RNF128: variants seen among roughly 807,000 people sequenced by gnomAD.
RNF128 encodes E3 ubiquitin-protein ligase RNF128.
RNF128 carries 13 observed loss-of-function variants against 26.2 expected under a neutral mutation model. The observed-to-expected ratio is 0.50, with a 90% confidence interval of 0.32 to 0.79. RNF128 has a LOEUF of 0.79. Among genes scored for constraint, RNF128 ranks in the 30% least tolerant of loss-of-function variants. RNF128 has a pLI of 0.03. For missense variants in RNF128, 315 were observed against 349.7 expected, an observed-to-expected ratio of 0.90 and a Z score of 0.79; for synonymous variants, 149 against 142.5, an observed-to-expected ratio of 1.05 and a Z score of -0.32.
At position 106,780,664 on chromosome X, in the gene RNF128, A is replaced by G. The variant is rs72618344; in HGVS notation, c.733-4401A>G. 3.6e-5 allele frequency among the ~76,000 whole-genome samples: 4 copies of G among 112,179 alleles called. No homozygotes were observed. The East Asian group carries it at 1.1e-3, about 31-fold the overall frequency. On this transcript the variant is annotated intron_variant, in intron 2 of 6. Transcript: ENST00000255499. The stretch of plus-strand genomic sequence containing the variant: ...TAAGATTGGATAATTGCTGGCTTTA[A>G]AGGGGTTTTTAAATTTCCTTCGTTT...
intron 1 of RNF128, among the ~76,000 whole-genome samples, chrX:106,744,094 G>A (rs1450234855): frequency 1.8e-5 from 2 of 108,327 alleles, no homozygotes; most frequent in East Asian, 2.9e-4. Flanking sequence ...CACACACTGG[G>A]GCCTGTTGGG....
intron 1 of RNF128, among the ~76,000 whole-genome samples, chrX:106,704,230 T>C (rs1209423871): frequency 9.2e-6 from 1 of 108,886 alleles, no homozygotes; most frequent in Non-Finnish European, 1.9e-5. Flanking sequence ...GGTCAGGAGA[T>C]CAAAACCATC....
chrX:106,789,561 A>T (rs1930782117), intron 4 of RNF128, among the ~76,000 whole-genome samples: 1 of 71,635 alleles, frequency 1.4e-5, no homozygotes, highest in Non-Finnish European at 2.9e-5. Context: ...ATACTATATA[A>T]TATTATAATA....
Position 106,792,655 on chromosome X carries a change from G to A in RNF128, c.1153+1421G>A, listed in dbSNP as rs776483746. On this transcript the variant is annotated intron_variant, in intron 6 of 6. Coordinates refer to ENST00000255499, the MANE Select transcript of RNF128 (RefSeq NM_194463.2). ...TTCTTCCTTACCCAAGAAGTTAGGG[G>A]AGCCCAGTATAACTCCTGTTTCTCC... 4.5e-5 allele frequency among the ~76,000 whole-genome samples: 5 copies of A among 110,982 alleles called. No individual in the cohort carries two copies. The East Asian group carries it at 1.4e-3, about 32-fold the overall frequency.
At chrX:106,705,890 G>T (rs1419183452) in intron 1 of RNF128, among the ~76,000 whole-genome samples, 1 of 111,934 alleles carries the variant, frequency 8.9e-6, no homozygotes, top group Non-Finnish European at 1.9e-5. Context: ...GCTTTGTGAG[G>T]ACTCCTTGGA....
At chrX:106,704,060 T>C (rs1319276544) in intron 1 of RNF128, among the ~76,000 whole-genome samples, 2 of 109,586 alleles carry the variant, frequency 1.8e-5, no homozygotes, top group African/African-American at 6.6e-5. Flanking sequence ...GGTTGGTCCA[T>C]GGCCAAGCAG....
At chrX:106,733,910 A>G (rs967398342) in intron 1 of RNF128, among the ~76,000 whole-genome samples, 8 of 111,487 alleles carry the variant, frequency 7.2e-5, no homozygotes, top group Non-Finnish European at 1.3e-4. Flanking sequence ...CATGTTGGCC[A>G]GGCTGGTCTC....
chrX:106,750,663 A>T (rs938385110), intron 1 of RNF128, among the ~76,000 whole-genome samples: 1 of 111,258 alleles, frequency 9.0e-6, no homozygotes, highest in Non-Finnish European at 1.9e-5. Flanking sequence ...TCTAGAAGCT[A>T]ATTTTACTCT....
In RNF128 at chrX:106,770,390, C is replaced by T. The variant is rs761378133; in HGVS notation, c.485-2523C>T. Among the ~76,000 whole-genome samples, 3 of 111,868 alleles carry T rather than the reference C, an allele frequency of 2.7e-5. 1 individual carries two copies. Among genetic ancestry groups the T allele is most frequent in the African/African-American group, 9.7e-5 (3 of 30,852 alleles). On this transcript the variant is annotated intron_variant, in intron 1 of 6. Coordinates refer to ENST00000255499, the MANE Select transcript of RNF128 (RefSeq NM_194463.2). ...GTCACTTTCAGGTACACCAATCAGACGTAGATTTGGTCTTTTCACATGGTC... is the reference window on the plus strand; with the variant it reads ...GTCACTTTCAGGTACACCAATCAGATGTAGATTTGGTCTTTTCACATGGTC...
chrX:106,747,323 A>G (rs1012228079), intron 1 of RNF128, among the ~76,000 whole-genome samples: 1 of 112,080 alleles, frequency 8.9e-6, no homozygotes, highest in African/African-American at 3.2e-5. Flanking sequence ...ATTGGGGTTT[A>G]GACTATCTGT....
At chrX:106,743,567 T>G (rs1483492255) in intron 1 of RNF128, among the ~76,000 whole-genome samples, 1 of 112,661 alleles carries the variant, frequency 8.9e-6, no homozygotes, top group Non-Finnish European at 1.9e-5. Context: ...TCATTGATAT[T>G]GTTTCAAATT....
At chrX:106,693,995 A>G in exon 1 of RNF128, 1 of 1,177,109 alleles carries the variant, frequency 8.5e-7, no homozygotes, top group Non-Finnish European at 1.1e-6. Flanking sequence ...TACTCAAATG[A>G]ATGAGCAATG....
upstream of RNF128, among the ~76,000 whole-genome samples, chrX:106,725,083 A>T (rs1929371831): frequency 8.9e-6 from 1 of 111,954 alleles, no homozygotes; most frequent in Non-Finnish European, 1.9e-5. Context: ...AGGTAATATC[A>T]ATTGAATTTT....
upstream of RNF128, among the ~76,000 whole-genome samples, chrX:106,723,162 AC>A (rs1230965198): frequency 2.7e-5 from 3 of 112,606 alleles, no homozygotes; most frequent in East Asian, 8.3e-4. Flanking sequence ...GAAAAAAAGT[AC>A]AATGAGCACC....
chrX:106,707,732 T>A (rs1226657263), intron 1 of RNF128, among the ~76,000 whole-genome samples: 2 of 110,451 alleles, frequency 1.8e-5, no homozygotes, highest in African/African-American at 6.6e-5. Context: ...TCATCCTTCA[T>A]TAAAACAGCA....
intron 1 of RNF128, among the ~76,000 whole-genome samples, chrX:106,706,254 G>A (rs764515794): frequency 9.0e-6 from 1 of 111,098 alleles, no homozygotes; most frequent in Non-Finnish European, 1.9e-5. Context: ...GCTGACAATT[G>A]GATTTTCCAA....
intron 1 of RNF128, among the ~76,000 whole-genome samples, chrX:106,709,970 C>T (rs946610148): frequency 8.9e-6 from 1 of 111,815 alleles, no homozygotes; most frequent in Non-Finnish European, 1.9e-5. Flanking sequence ...GAAAATATTA[C>T]TCAGAAGAGA....
chrX:106,722,330 C>T (rs909484084), upstream of RNF128, among the ~76,000 whole-genome samples: 6 of 111,110 alleles, frequency 5.4e-5, no homozygotes, highest in African/African-American at 1.3e-4. Flanking sequence ...CCCTAGGGCT[C>T]CTCAAACATA....
intron 1 of RNF128, among the ~76,000 whole-genome samples, chrX:106,719,642 G>A (rs141283670): frequency 9.0e-6 from 1 of 111,582 alleles, no homozygotes; most frequent in East Asian, 2.8e-4. Context: ...CAAGATCATA[G>A]ATATTTATTT....
Sources: gnomAD v4.1 joint callset for allele counts (sites outside exome capture counted in the v4.1 genomes callset) on GRCh38, gnomAD v4.1.1 for gene constraint, MANE v1.5 for transcripts, NCBI Gene and HGNC (gene_info 2026-07-23, HGNC 2026-07-21) for gene names.